Variants in GABRG3 observed in about 807,000 individuals in gnomAD.
GABRG3 encodes the protein gamma-aminobutyric acid receptor subunit gamma-3.
Under a neutral mutation model 48.8 loss-of-function variants are expected in GABRG3, and 25 were observed. That is an observed-to-expected ratio of 0.51 (90% CI 0.37 to 0.72). The LOEUF is 0.72. GABRG3 is among the 30% of genes least tolerant of loss of function. GABRG3 has a pLI of 0.00. For missense variants in GABRG3, 394 were observed against 577.9 expected (o/e 0.68, Z 3.26); for synonymous variants, 227 against 217.6 (o/e 1.04, Z -0.38).
chr15:27,528,981 G>A (rs1891350995), intron 9 of GABRG3, among the ~76,000 whole-genome samples: 1 of 151,956 alleles, frequency 6.6e-6, no homozygotes, highest in Non-Finnish European at 1.5e-5. Context: ...GTATTATTTT[G>A]TTTCATGTGG....
chr15:27,015,776 A>G (rs1895768127), intron 2 of GABRG3, among the ~76,000 whole-genome samples: 1 of 152,154 alleles, frequency 6.6e-6, no homozygotes, highest in Admixed American at 6.5e-5. Flanking sequence ...GGTTACCATT[A>G]CATGAAATAT....
At position 27,380,650 on chromosome 15, in the gene GABRG3, C is replaced by G. The variant is rs186242364; in HGVS notation, c.574+51762C>G. ...TCTCCCCTGTTGTCTTTGGATTTCC[C>G]TAGAGAGTTGTTCTTAATAAGGTCT... On this transcript the variant is annotated intron_variant, in intron 5 of 9. Transcript: ENST00000615808. Among the ~76,000 whole-genome samples, 491 of 152,050 alleles carry G rather than the reference C, an allele frequency of 3.2e-3. 5 individuals carry two copies. The highest frequency in any genetic ancestry group is 0.011 in the African/African-American group (467 of 41,488).
intron 3 of GABRG3, among the ~76,000 whole-genome samples, chr15:27,304,707 C>A (rs1892333840): frequency 6.6e-6 from 1 of 152,006 alleles, no homozygotes; most frequent in Non-Finnish European, 1.5e-5. Flanking sequence ...ATTGGGCCCA[C>A]CCAGATAATT....
intron 5 of GABRG3, among the ~76,000 whole-genome samples, chr15:27,331,411 A>G (rs1399708153): frequency 6.6e-6 from 1 of 152,212 alleles, no homozygotes; most frequent in African/African-American, 2.4e-5. Flanking sequence ...ATTCAGCACT[A>G]CAAAGAAAGG....
chr15:27,467,100 G>T (rs1595773844), intron 5 of GABRG3, among the ~76,000 whole-genome samples: 1 of 152,162 alleles, frequency 6.6e-6, no homozygotes, highest in African/African-American at 2.4e-5. Flanking sequence ...CAGTTCTGGA[G>T]GTGGGGAAGT....
chr15:27,111,984 C>T (rs372697599), intron 3 of GABRG3, among the ~76,000 whole-genome samples: 6 of 152,088 alleles, frequency 3.9e-5, no homozygotes, highest in East Asian at 1.9e-4. Flanking sequence ...TCTGCCAGGA[C>T]CAGGAGGGGA....
intron 3 of GABRG3, among the ~76,000 whole-genome samples, chr15:27,088,280 C>T (rs1006266479): frequency 1.3e-5 from 2 of 149,598 alleles, no homozygotes; most frequent in Admixed American, 6.7e-5. Context: ...GGGGCGGGCG[C>T]GGGCCAGGAG....
At chr15:26,979,544 A>T (rs1384897226) in intron 2 of GABRG3, among the ~76,000 whole-genome samples, 2 of 152,170 alleles carry the variant, frequency 1.3e-5, no homozygotes, top group Non-Finnish European at 2.9e-5. Flanking sequence ...GATACATTAA[A>T]AAAAAGTTTC....
At chr15:27,272,914 T>G (rs1566989144) in intron 3 of GABRG3, among the ~76,000 whole-genome samples, 1 of 152,198 alleles carries the variant, frequency 6.6e-6, no homozygotes, top group Admixed American at 6.5e-5. Flanking sequence ...CATTGAAAGA[T>G]TCTGTCATAT....
At chr15:27,209,794 T>G (rs760321399) in intron 3 of GABRG3, among the ~76,000 whole-genome samples, 7 of 152,228 alleles carry the variant, frequency 4.6e-5, no homozygotes, top group Non-Finnish European at 1.0e-4. Flanking sequence ...TTCACAGTGC[T>G]GGAGGCAGGA....
At chr15:27,055,281 T>C (rs1028737780) in intron 3 of GABRG3, among the ~76,000 whole-genome samples, 13 of 152,262 alleles carry the variant, frequency 8.5e-5, no homozygotes, top group African/African-American at 2.6e-4. Context: ...TTAAGAAGGA[T>C]GGAAAGACCA....
At chr15:27,465,801 G>A (rs568535481) in intron 5 of GABRG3, among the ~76,000 whole-genome samples, 1 of 152,248 alleles carries the variant, frequency 6.6e-6, no homozygotes, top group African/African-American at 2.4e-5. Flanking sequence ...GATACATACA[G>A]TTATATACAC....
At chr15:27,465,816 T>G (rs1294724005) in intron 5 of GABRG3, among the ~76,000 whole-genome samples, 1 of 152,230 alleles carries the variant, frequency 6.6e-6, no homozygotes, top group African/African-American at 2.4e-5. Flanking sequence ...ATACACATAG[T>G]GAAAATAACA....
chr15:27,130,861 G>A (rs1897904250), intron 3 of GABRG3, among the ~76,000 whole-genome samples: 1 of 151,940 alleles, frequency 6.6e-6, no homozygotes, highest in South Asian at 2.1e-4. Flanking sequence ...TGTTGACTTT[G>A]TATACTGTCC....
chr15:27,225,184 C>T (rs1022192862), intron 3 of GABRG3, among the ~76,000 whole-genome samples: 1 of 152,124 alleles, frequency 6.6e-6, no homozygotes, highest in Non-Finnish European at 1.5e-5. Context: ...CAATGTAGTA[C>T]ACAGGCTTTT....
chr15:27,307,391 C>CCATATAGGTTTATATATTTATATATAAA lies in GABRG3; in HGVS notation c.271-19357_271-19330dup, dbSNP rs1566771071. On this transcript the variant is annotated intron_variant, in intron 3 of 9. Transcript: ENST00000615808. ...TATAGGTTTATATATTTATATATAACCATATAGGTTTATATATTTATATAT... is the reference window on the plus strand; with the variant it reads ...TATAGGTTTATATATTTATATATAACCATATAGGTTTATATATTTATATATAAACATATAGGTTTATATATTTATATAT... 3.2e-3 allele frequency among the ~76,000 whole-genome samples: 38 copies of CCATATAGGTTTATATATTTATATATAAA among 11,698 alleles called. 2 individuals carry two copies. Among genetic ancestry groups the CCATATAGGTTTATATATTTATATATAAA allele is most frequent in the East Asian group, 9.8e-3 (12 of 1,220 alleles). 7.7% of individuals were successfully genotyped at this position (11,698 alleles called of 152,430 possible).
Position 27,308,197 on chromosome 15 carries a change from TGTTTATATATCCAAACATATATAAAC to T in GABRG3, c.271-18611_271-18586del, listed in dbSNP as rs1566773353. On this transcript the variant is annotated intron_variant, in intron 3 of 9. Coordinates refer to ENST00000615808, the MANE Select transcript of GABRG3 (RefSeq NM_033223.5). Reference sequence around the variant, plus strand: ...TTATATATCCAAACATATATAAACATGTTTATATATCCAAACATATATAAACATGTTTATATATCCAAACATATATA... The same window carrying T: ...TTATATATCCAAACATATATAAACATATGTTTATATATCCAAACATATATA... Among the ~76,000 whole-genome samples the T allele has an allele frequency of 5.0e-4, 30 of 60,082 alleles. 3 individuals carry two copies. Among genetic ancestry groups the T allele is most frequent in the South Asian group, 1.0e-3 (3 of 3,002 alleles). 39.4% of individuals were successfully genotyped at this position (60,082 alleles called of 152,430 possible). A position where few individuals can be genotyped will look rare whatever the true frequency, so the allele number is the denominator to read the frequency against.
intron 3 of GABRG3, among the ~76,000 whole-genome samples, chr15:27,227,011 C>A (rs1470265632): frequency 6.6e-6 from 1 of 152,044 alleles, no homozygotes; most frequent in Non-Finnish European, 1.5e-5. Context: ...GGAAAAAAAA[C>A]TGAAAGAAAA....
intron 4 of GABRG3, among the ~76,000 whole-genome samples, chr15:27,327,590 T>C (rs1893658723): frequency 6.6e-6 from 1 of 152,190 alleles, no homozygotes; most frequent in African/African-American, 2.4e-5. Context: ...AGAGTCTAAC[T>C]GAACACACAG....
Sources: gnomAD v4.1 joint callset for allele counts (sites outside exome capture counted in the v4.1 genomes callset) on GRCh38, gnomAD v4.1.1 for gene constraint, MANE v1.5 for transcripts, NCBI Gene and HGNC (gene_info 2026-07-23, HGNC 2026-07-21) for gene names.